GATA4: variants seen among roughly 807,000 people sequenced by gnomAD.
GATA4 encodes the protein GATA binding protein 4, also known as transcription factor GATA-4.
Under a neutral mutation model 37.9 loss-of-function variants are expected in GATA4, and 7 were observed. The ratio of observed to expected loss-of-function variants is 0.18; its 90% confidence interval spans 0.11 to 0.35. The LOEUF (loss-of-function observed/expected upper bound fraction) is 0.35, where lower values mean the gene tolerates loss of function less well. GATA4 is among the 10% of genes least tolerant of loss of function. GATA4 has a pLI of 1.00. For missense variants in GATA4, 647 were observed against 653.0 expected (o/e 0.99, Z 0.10); for synonymous variants, 372 against 292.6 (o/e 1.27, Z -2.77).
intron 2 of GATA4, among the ~76,000 whole-genome samples, chr8:11,743,539 C>A (rs1801865636): frequency 6.6e-6 from 1 of 152,250 alleles, no homozygotes; most frequent in Non-Finnish European, 1.5e-5. Flanking sequence ...CAGCGGCCAG[C>A]AGTGCCCAGG....
intron 1 of GATA4, among the ~76,000 whole-genome samples, chr8:11,677,863 C>G (rs1481728060): frequency 6.6e-6 from 1 of 151,998 alleles, no homozygotes; most frequent in South Asian, 2.1e-4. Flanking sequence ...TCCCCAGGCC[C>G]ACTGCGTGCG....
chr8:11,753,602 G>A (rs903102273), intron 4 of GATA4, among the ~76,000 whole-genome samples: 2 of 152,034 alleles, frequency 1.3e-5, no homozygotes, highest in African/African-American at 2.4e-5. Context: ...GGGATGGGGT[G>A]GGGGAGGACA....
At chr8:11,705,726 A>C (rs954015567) in intron 1 of GATA4, among the ~76,000 whole-genome samples, 6 of 152,202 alleles carry the variant, frequency 3.9e-5, no homozygotes, top group African/African-American at 1.4e-4. Context: ...TATTTTCTCC[A>C]CCTTCTGTTG....
chr8:11,729,430 G>C lies in GATA4; in HGVS notation c.617-19486G>C, dbSNP rs183230700. Among the ~76,000 whole-genome samples, 68 of 152,112 alleles carry C rather than the reference G, an allele frequency of 4.5e-4. No individual in the cohort carries two copies. In the East Asian group the frequency reaches 0.012, roughly 26 times the overall value. The stretch of plus-strand genomic sequence containing the variant: ...TAAAAATACAAAAAATTAGCCAGGC[G>C]TGGTGGCATGCACCTATAATCCCAG... On this transcript the variant is annotated intron_variant, in intron 2 of 6. Coordinates refer to ENST00000532059, the MANE Select transcript of GATA4 (RefSeq NM_001308093.3).
In GATA4 at chr8:11,708,519, C is replaced by A; in HGVS notation, c.207C>A (p.Gly69=). The A allele has an allele frequency of 6.8e-7, 1 of 1,467,194 alleles. No individual in the cohort carries two copies. Among genetic ancestry groups the A allele is most frequent in the South Asian group, 1.3e-5 (1 of 75,320 alleles). 90.9% of individuals were successfully genotyped at this position (1,467,194 alleles called of 1,614,324 possible). A position where few individuals can be genotyped will look rare whatever the true frequency, so the allele number is the denominator to read the frequency against. ...AGSASGGASG[G]SSGGAASGAG... is the part of the protein sequence containing the mutation. ...CTGCGTCCGGAGGCGCCTCGGGCGG[C>A]AGCTCCGGTGGGGCCGCGTCTGGTG... Residue 69 remains glycine, a synonymous_variant, in exon 2 of 7, where the codon GGC becomes GGA. Coordinates refer to ENST00000532059, the MANE Select transcript of GATA4 (RefSeq NM_001308093.3). The surrounding 1 kb of genome is among the most constrained non-coding windows in gnomAD (Gnocchi z 6.7).
Position 11,709,958 on chromosome 8 carries a change from G to C in GATA4, c.616+1030G>C, listed in dbSNP as rs1213313831. Reference sequence around the variant, plus strand: ...TTTGGATTGAGCCCACCCTGTGGGGGAGGGGAAGCCCAGGCTTGAGAAGCA... The same window carrying C: ...TTTGGATTGAGCCCACCCTGTGGGGCAGGGGAAGCCCAGGCTTGAGAAGCA... On this transcript the variant is annotated intron_variant, in intron 2 of 6. Coordinates refer to ENST00000532059, the MANE Select transcript of GATA4 (RefSeq NM_001308093.3). The surrounding 1 kb of genome is among the most constrained non-coding windows in gnomAD (Gnocchi z 4.3). Among the ~76,000 whole-genome samples the C allele has an allele frequency of 6.6e-6, 1 of 152,236 alleles. No individual in the cohort carries two copies. The highest frequency in any genetic ancestry group is 1.5e-5 in the Non-Finnish European group (1 of 68,034).
chr8:11,686,862 G>T (rs965259613), intron 1 of GATA4, among the ~76,000 whole-genome samples: 3 of 152,118 alleles, frequency 2.0e-5, no homozygotes, highest in African/African-American at 7.2e-5. Context: ...CCTGGGCATG[G>T]TGGGGCGCGC....
chr8:11,701,249 A>G (rs1001959796), upstream of GATA4, among the ~76,000 whole-genome samples: 19 of 68,542 alleles, frequency 2.8e-4, no homozygotes, highest in Non-Finnish European at 1.1e-3. Context: ...TCTTAGAAAA[A>G]AAAAAAAAAA....
chr8:11,725,135 G>C (rs1403919984), intron 2 of GATA4, among the ~76,000 whole-genome samples: 1 of 152,242 alleles, frequency 6.6e-6, no homozygotes, highest in East Asian at 1.9e-4. Context: ...CGCAGCCCAT[G>C]CAGTCCCTGT....
At chr8:11,695,910 G>A (rs943867263) in intron 1 of GATA4, among the ~76,000 whole-genome samples, 2 of 152,170 alleles carry the variant, frequency 1.3e-5, no homozygotes, top group Admixed American at 6.5e-5. Flanking sequence ...GCAATAGGGA[G>A]GACCAACCTT....
intron 2 of GATA4, among the ~76,000 whole-genome samples, chr8:11,724,222 C>T (rs1474946375): frequency 2.0e-5 from 3 of 152,124 alleles, no homozygotes; most frequent in Non-Finnish European, 4.4e-5. Flanking sequence ...CCTCCATAGA[C>T]AATTGGGTTG....
At chr8:11,705,401 C>T (rs1161977009) in intron 1 of GATA4, among the ~76,000 whole-genome samples, 1 of 152,230 alleles carries the variant, frequency 6.6e-6, no homozygotes, top group Non-Finnish European at 1.5e-5. Flanking sequence ...AGGCGTAAAC[C>T]CAGGCCAGCG....
intron 2 of GATA4, among the ~76,000 whole-genome samples, chr8:11,720,826 C>G (rs1408740437): frequency 1.3e-5 from 2 of 151,910 alleles, no homozygotes; most frequent in Non-Finnish European, 2.9e-5. Context: ...AAAGTGACCT[C>G]AGGTGCTCTG....
intron 1 of GATA4, among the ~76,000 whole-genome samples, chr8:11,698,189 T>C (rs549501127): frequency 6.6e-6 from 1 of 152,356 alleles, no homozygotes; most frequent in South Asian, 2.1e-4. Context: ...CTCTCTCCTT[T>C]CTCTGTCTCT....
At position 11,748,321 on chromosome 8, in the gene GATA4, G is replaced by T. The variant is rs554802367; in HGVS notation, c.617-595G>T. Among the ~76,000 whole-genome samples, 10 of 152,284 alleles carry T rather than the reference G, an allele frequency of 6.6e-5. No homozygotes were observed. In the East Asian group the frequency reaches 1.9e-3, roughly 29 times the overall value. On this transcript the variant is annotated intron_variant, in intron 2 of 6. Transcript: ENST00000532059. ...GCTGGAGTATCGCTTGAGCCCAGGG[G>T]TTCAAGGCTGGACTGAGTTATGACT...
intron 4 of GATA4, among the ~76,000 whole-genome samples, chr8:11,753,239 A>G (rs59433946): frequency 0.03 from 4,528 of 152,266 alleles, 201 homozygotes; most frequent in African/African-American, 0.1. Flanking sequence ...AAGGAAGGGA[A>G]TTCTGGCCCC....
intron 2 of GATA4, among the ~76,000 whole-genome samples, chr8:11,741,864 G>A (rs1159236571): frequency 6.6e-6 from 1 of 152,212 alleles, no homozygotes; most frequent in Non-Finnish European, 1.5e-5. Flanking sequence ...AATTGAGACT[G>A]ATTTTCCATC....
At chr8:11,682,958 T>G in intron 1 of GATA4, 2 of 556,088 alleles carry the variant, frequency 3.6e-6, no homozygotes, top group Non-Finnish European at 4.6e-6. Context: ...TTAAATGCTA[T>G]GGGTGTGGGG....
intron 2 of GATA4, among the ~76,000 whole-genome samples, chr8:11,741,506 T>C (rs916628535): frequency 2.0e-5 from 3 of 151,280 alleles, no homozygotes; most frequent in Admixed American, 2.0e-4. Flanking sequence ...AAAAAGTCCC[T>C]GTGAGAGCAA....
Sources: allele counts gnomAD v4.1 joint callset (sites outside exome capture counted in the v4.1 genomes callset), GRCh38; gene constraint gnomAD v4.1.1; non-coding constraint Gnocchi (gnomAD v3.1); transcripts MANE v1.5; gene names NCBI Gene and HGNC (gene_info 2026-07-23, HGNC 2026-07-21).